Variants in GSTCD observed in about 807,000 individuals in gnomAD.
The protein encoded by GSTCD is glutathione S-transferase C-terminal domain containing.
GSTCD carries 44 observed loss-of-function variants against 68.3 expected under a neutral mutation model. The observed-to-expected ratio is 0.64, with a 90% CI of 0.51 to 0.83. The LOEUF (loss-of-function observed/expected upper bound fraction) is 0.83. Ranked by LOEUF, GSTCD falls within the 40% of genes least tolerant of loss-of-function variation. GSTCD has a pLI of 0.00. For missense variants in GSTCD, 739 were observed against 735.9 expected, an observed-to-expected ratio of 1.00 and a Z score of -0.05; for synonymous variants, 273 against 255.2, an observed-to-expected ratio of 1.07 and a Z score of -0.67.
At chr4:105,790,858 C>T (rs1295006999) in intron 5 of GSTCD, among the ~76,000 whole-genome samples, 1 of 151,842 alleles carries the variant, frequency 6.6e-6, no homozygotes, top group Admixed American at 6.5e-5. Context: ...GTTTTCAGAG[C>T]AGTTGTTAGC....
At chr4:105,784,682 G>A (rs568003968) in intron 5 of GSTCD, among the ~76,000 whole-genome samples, 1 of 152,230 alleles carries the variant, frequency 6.6e-6, no homozygotes, top group South Asian at 2.1e-4. Context: ...CTAAGGAAAA[G>A]CTTTCCTTTC....
chr4:105,723,093 C>A (rs1228060639), intron 3 of GSTCD, among the ~76,000 whole-genome samples: 2 of 151,682 alleles, frequency 1.3e-5, no homozygotes, highest in Non-Finnish European at 3.0e-5. Flanking sequence ...GGAAAGATGC[C>A]ACGTACATCT....
intron 8 of GSTCD, chr4:105,827,059 G>C (rs983827653): frequency 2.6e-5 from 4 of 151,986 alleles, no homozygotes; most frequent in African/African-American, 9.7e-5. Flanking sequence ...CTGTTAATAA[G>C]GAAATTCAGG....
At position 105,709,772 on chromosome 4, in the gene GSTCD, G is replaced by C. The variant is rs530709445; in HGVS notation, c.-22+756G>C. ...TGTGTGCTACATTATTGATAAAGAA[G>C]GTGGTGTATTTCTATTTTACCTAAG... On this transcript the variant is annotated intron_variant, in intron 1 of 11. Transcript: ENST00000515279. Among the ~76,000 whole-genome samples, 3 of 152,190 alleles carry C rather than the reference G, an allele frequency of 2.0e-5. No homozygotes were observed. The South Asian group carries it at 6.2e-4, about 32-fold the overall frequency.
intron 10 of GSTCD, among the ~76,000 whole-genome samples, chr4:105,838,713 C>G (rs759469291): frequency 6.6e-6 from 1 of 152,196 alleles, no homozygotes; most frequent in Non-Finnish European, 1.5e-5. Flanking sequence ...CTGATCAAAA[C>G]AGTTTCTAGC....
chr4:105,730,090 G>T (rs983575615), intron 5 of GSTCD, among the ~76,000 whole-genome samples: 1 of 152,148 alleles, frequency 6.6e-6, no homozygotes, highest in African/African-American at 2.4e-5. Flanking sequence ...TTTTATGGCT[G>T]CATAGTATTC....
At chr4:105,745,188 T>G (rs1733759148) in intron 5 of GSTCD, among the ~76,000 whole-genome samples, 1 of 152,214 alleles carries the variant, frequency 6.6e-6, no homozygotes, top group African/African-American at 2.4e-5. Flanking sequence ...CTTTCAGAAT[T>G]ACTATACCCA....
chr4:105,758,188 A>C (rs1282934528), intron 5 of GSTCD, among the ~76,000 whole-genome samples: 2 of 152,264 alleles, frequency 1.3e-5, no homozygotes, highest in Non-Finnish European at 2.9e-5. Flanking sequence ...CTGCAGTTGA[A>C]TATAAAGTTG....
At chr4:105,827,519 T>G (rs1315312494) in intron 8 of GSTCD, among the ~76,000 whole-genome samples, 3 of 152,188 alleles carry the variant, frequency 2.0e-5, no homozygotes, top group African/African-American at 7.2e-5. Flanking sequence ...GAAGGTTAAA[T>G]TAAAAGTAGA....
intron 5 of GSTCD, among the ~76,000 whole-genome samples, chr4:105,817,706 T>C (rs182273326): frequency 4.6e-5 from 7 of 152,036 alleles, no homozygotes; most frequent in Admixed American, 4.6e-4. Context: ...TGCTGACTAA[T>C]TTCATGTATT....
chr4:105,742,297 T>C (rs973870532), intron 5 of GSTCD, among the ~76,000 whole-genome samples: 4 of 152,242 alleles, frequency 2.6e-5, no homozygotes, highest in Non-Finnish European at 4.4e-5. Flanking sequence ...ACAACCTATA[T>C]TTACTATTTA....
intron 10 of GSTCD, among the ~76,000 whole-genome samples, chr4:105,839,860 T>C (rs914141233): frequency 2.2e-4 from 34 of 152,126 alleles, no homozygotes; most frequent in African/African-American, 8.0e-4. Context: ...TAGAAAAGAA[T>C]GTAAAATTTC....
intron 1 of GSTCD, among the ~76,000 whole-genome samples, chr4:105,712,053 C>T (rs1672692799): frequency 6.6e-6 from 1 of 152,164 alleles, no homozygotes; most frequent in African/African-American, 2.4e-5. Flanking sequence ...GAATGAGATA[C>T]ACATTGTACC....
At chr4:105,826,993 T>C (rs1245106676) in intron 8 of GSTCD, 1 of 152,210 alleles carries the variant, frequency 6.6e-6, no homozygotes, top group Non-Finnish European at 1.5e-5. Context: ...AAAAATATGC[T>C]ATTCGTTTCC....
chr4:105,736,035 TGGTTTTAAGCTAAA>T (rs1296304116), intron 5 of GSTCD, among the ~76,000 whole-genome samples: 2 of 136,362 alleles, frequency 1.5e-5, no homozygotes, highest in Non-Finnish European at 3.4e-5. Flanking sequence ...TTTTATTGTT[TGGTTTTAAGCTAAA>T]TGATTATATT....
rs183668390 is a variant in GSTCD, at chr4:105,771,591, T to C, written c.1240+42092T>C. ...CCAGTTTCAGTTTTCAGCATATGGC[T>C]AGTCAGTTTTCCCAACACCATTTAT... On this transcript the variant is annotated intron_variant, in intron 5 of 11. Coordinates refer to ENST00000515279, the MANE Select transcript of GSTCD (RefSeq NM_001370181.1). Among the ~76,000 whole-genome samples, 179 of 152,342 alleles carry C rather than the reference T, an allele frequency of 1.2e-3. 4 individuals carry two copies. The highest frequency in any genetic ancestry group is 1.3e-4 in the Non-Finnish European group (9 of 68,026).
chr4:105,788,157 G>A (rs1324320885), intron 5 of GSTCD, among the ~76,000 whole-genome samples: 1 of 151,844 alleles, frequency 6.6e-6, no homozygotes, highest in African/African-American at 2.4e-5. Context: ...TATTTTCCCT[G>A]TGGTTTCATA....
At chr4:105,772,518 T>A (rs1450175908) in intron 5 of GSTCD, among the ~76,000 whole-genome samples, 1 of 152,224 alleles carries the variant, frequency 6.6e-6, no homozygotes, top group Non-Finnish European at 1.5e-5. Context: ...CTTATTGTTT[T>A]GATATGTGTT....
intron 5 of GSTCD, among the ~76,000 whole-genome samples, chr4:105,747,629 G>A (rs1038272485): frequency 8.6e-5 from 13 of 151,992 alleles, no homozygotes; most frequent in African/African-American, 3.1e-4. Flanking sequence ...ATATATAAGA[G>A]CTTGTGCATA....
Sources: allele counts gnomAD v4.1 joint callset (sites outside exome capture counted in the v4.1 genomes callset), GRCh38; gene constraint gnomAD v4.1.1; transcripts MANE v1.5; gene names NCBI Gene and HGNC (gene_info 2026-07-23, HGNC 2026-07-21).